Variants in MAD1L1 observed in about 807,000 individuals in gnomAD.
MAD1L1 encodes mitotic spindle assembly checkpoint protein MAD1.
MAD1L1 carries 95 observed loss-of-function variants against 96.9 expected under a neutral mutation model. The observed-to-expected ratio is 0.98, with a 90% CI of 0.83 to 1.16. The LOEUF (loss-of-function observed/expected upper bound fraction) is 1.16. Among genes scored for constraint, MAD1L1 ranks in the 50% most tolerant of loss-of-function variants. The pLI is 0.00. For synonymous variants in MAD1L1, 473 were observed against 396.6 expected (o/e 1.19, Z -2.29); for missense variants, 1,007 against 954.4 (o/e 1.06, Z -0.73).
intron 12 of MAD1L1, among the ~76,000 whole-genome samples, chr7:2,068,136 G>A (rs866271229): frequency 6.6e-6 from 1 of 152,218 alleles, no homozygotes; most frequent in African/African-American, 2.4e-5. Flanking sequence ...AGAACATTTT[G>A]GAGTGTCCCC....
At chr7:1,980,374 G>T in intron 15 of MAD1L1, 79 bp downstream of exon 15, 1 of 1,250,300 alleles carries the variant, frequency 8.0e-7, no homozygotes, top group South Asian at 1.3e-5. Flanking sequence ...CTCCTCCCCC[G>T]CAGGACACAC....
At chr7:2,095,336 G>T (rs4721392) in intron 11 of MAD1L1, among the ~76,000 whole-genome samples, 8,111 of 152,178 alleles carry the variant, frequency 0.053, 390 homozygotes, top group African/African-American at 0.12. Flanking sequence ...GAGCCACGGC[G>T]CCCAGCCTGC....
chr7:1,962,137 G>A (rs1736986910), intron 15 of MAD1L1, among the ~76,000 whole-genome samples: 1 of 152,194 alleles, frequency 6.6e-6, no homozygotes. Context: ...CATCTATTGT[G>A]GGAAGGACAC....
At chr7:2,125,445 C>T (rs73037225) in intron 11 of MAD1L1, among the ~76,000 whole-genome samples, 4,020 of 152,292 alleles carry the variant, frequency 0.026, 92 homozygotes, top group South Asian at 0.069. Context: ...GATGTCTCCG[C>T]AGCCTGGTGA....
intron 18 of MAD1L1, among the ~76,000 whole-genome samples, chr7:1,821,498 A>G (rs1161790359): frequency 1.3e-5 from 2 of 152,166 alleles, no homozygotes; most frequent in Non-Finnish European, 2.9e-5. Flanking sequence ...AAAAATAAGT[A>G]TCAGTCTCTC....
At chr7:2,054,089 G>A (rs1429086813) in intron 12 of MAD1L1, among the ~76,000 whole-genome samples, 1 of 152,222 alleles carries the variant, frequency 6.6e-6, no homozygotes, top group Non-Finnish European at 1.5e-5. Context: ...GCTGCTCCCA[G>A]CCCACCTCCC....
In MAD1L1 at chr7:2,079,755, G is replaced by C. The variant is rs527551153; in HGVS notation, c.1074-10417C>G. The C allele has an allele frequency of 9.3e-5, 44 of 470,918 alleles. No individual in the cohort carries two copies. The Middle Eastern group carries it at 1.3e-3, about 14-fold the overall frequency. 29.2% of individuals were successfully genotyped at this position (470,918 alleles called of 1,614,324 possible). A position where few individuals can be genotyped will look rare whatever the true frequency, so the allele number is the denominator to read the frequency against. ...CTGGGTGGGGAGCCCCGGCAAGCAC[G>C]GCCGCAGGGAGACCATAAATTCACT... On this transcript the variant is annotated intron_variant, in intron 11 of 18. Coordinates refer to ENST00000265854, the MANE Select transcript of MAD1L1 (RefSeq NM_001013836.2).
Position 2,108,058 on chromosome 7 carries a change from T to C in MAD1L1, c.1074-38720A>G, listed in dbSNP as rs377433704. Among the ~76,000 whole-genome samples the C allele has an allele frequency of 2.6e-5, 4 of 151,768 alleles. No individual in the cohort carries two copies. In the South Asian group the frequency reaches 6.3e-4, roughly 24 times the overall value. ...CTCGGAAAACACCTGTTTTAAAACT[T>C]GCTGACCAAAAACCCCAAAATGGAT... On this transcript the variant is annotated intron_variant, in intron 11 of 18. Coordinates refer to ENST00000265854, the MANE Select transcript of MAD1L1 (RefSeq NM_001013836.2).
chr7:2,035,149 G>T (rs983789209), intron 12 of MAD1L1, among the ~76,000 whole-genome samples: 18 of 152,274 alleles, frequency 1.2e-4, no homozygotes, highest in African/African-American at 4.3e-4. Flanking sequence ...AGGCAGCCCA[G>T]AGGGGCCACA....
At chr7:2,219,598 A>G in intron 5 of MAD1L1, 142 bp from the exon 6 acceptor site, 1 of 582,278 alleles carries the variant, frequency 1.7e-6, no homozygotes, top group Non-Finnish European at 2.6e-6. Flanking sequence ...GCAGAGGAAT[A>G]AGGGGGCAGA....
chr7:1,901,007 T>C (rs1053698482), intron 17 of MAD1L1, among the ~76,000 whole-genome samples: 1 of 152,038 alleles, frequency 6.6e-6, no homozygotes, highest in African/African-American at 2.4e-5. Context: ...GGCCACTCTC[T>C]CACCCTCTGA....
At chr7:1,881,544 G>A (rs909839276) in intron 18 of MAD1L1, among the ~76,000 whole-genome samples, 1 of 152,210 alleles carries the variant, frequency 6.6e-6, no homozygotes, top group South Asian at 2.1e-4. Flanking sequence ...ATAAAAAGAG[G>A]AGCTGGCTAA....
intron 18 of MAD1L1, among the ~76,000 whole-genome samples, chr7:1,850,886 C>A (rs1258581757): frequency 6.6e-6 from 1 of 152,172 alleles, no homozygotes; most frequent in Non-Finnish European, 1.5e-5. Flanking sequence ...CACACCGAAA[C>A]CTGCCTGACC....
chr7:2,118,210 C>G (rs1339561885), intron 11 of MAD1L1, among the ~76,000 whole-genome samples: 1 of 152,232 alleles, frequency 6.6e-6, no homozygotes, highest in Non-Finnish European at 1.5e-5. Context: ...CACAGCCTGT[C>G]AGACCCTCCA....
chr7:1,972,381 T>G (rs1408864058), intron 15 of MAD1L1, among the ~76,000 whole-genome samples: 1 of 152,220 alleles, frequency 6.6e-6, no homozygotes, highest in Non-Finnish European at 1.5e-5. Flanking sequence ...AAAAAAATAG[T>G]TTACAAGATT....
chr7:1,888,678 G>A (rs1204269423), intron 18 of MAD1L1, among the ~76,000 whole-genome samples: 1 of 151,874 alleles, frequency 6.6e-6, no homozygotes, highest in Non-Finnish European at 1.5e-5. Context: ...GGCTGTCTGT[G>A]CATGTGTCCA....
intron 10 of MAD1L1, among the ~76,000 whole-genome samples, chr7:2,202,487 A>G (rs1380690879): frequency 1.3e-5 from 2 of 152,222 alleles, no homozygotes; most frequent in African/African-American, 2.4e-5. Context: ...CATGGGCTCC[A>G]CAAGAGCAGC....
chr7:2,222,647 C>T lies in MAD1L1; in HGVS notation c.399G>A (p.Gln133=). Reference sequence around the variant, plus strand: ...TGGCAGCATCCAAGTTCTGCTGACACTGCCTGTTGCGCTCCAGCTGCTCCT... The same window carrying T: ...TGGCAGCATCCAAGTTCTGCTGACATTGCCTGTTGCGCTCCAGCTGCTCCT... ...KMQEQLERNR[Q]CQQNLDAASK... is the part of the protein sequence containing the mutation. Residue 133 remains glutamine (Q), a synonymous_variant, in exon 5 of 19, where the codon CAG becomes CAA. Coordinates refer to ENST00000265854, the MANE Select transcript of MAD1L1 (RefSeq NM_001013836.2). 1.9e-6 allele frequency: 3 copies of T among 1,613,436 alleles called. No homozygotes were observed. Among genetic ancestry groups the T allele is most frequent in the Non-Finnish European group, 2.5e-6 (3 of 1,179,890 alleles).
intron 15 of MAD1L1, among the ~76,000 whole-genome samples, chr7:1,973,053 C>T (rs915584588): frequency 1.3e-5 from 2 of 152,156 alleles, no homozygotes; most frequent in African/African-American, 4.8e-5. Flanking sequence ...TTACTGGGGT[C>T]TCTTTGATGA....
Sources: gnomAD v4.1 joint callset for allele counts (sites outside exome capture counted in the v4.1 genomes callset) on GRCh38, gnomAD v4.1.1 for gene constraint, MANE v1.5 for transcripts, NCBI Gene and HGNC (gene_info 2026-07-23, HGNC 2026-07-21) for gene names.